Variants in ACOT12 observed in about 807,000 individuals in gnomAD.
ACOT12 encodes acetyl-coenzyme A thioesterase.
Under a neutral mutation model 67.7 loss-of-function variants are expected in ACOT12, and 51 were observed. The ratio of observed to expected loss-of-function variants is 0.75; its 90% CI spans 0.60 to 0.95. The LOEUF (loss-of-function observed/expected upper bound fraction) is 0.95. ACOT12 is among the 40% of genes least tolerant of loss of function. The probability of loss-of-function intolerance (pLI) is 0.00; values close to 1 mark genes in which losing one functional copy is unlikely to be tolerated. For synonymous variants in ACOT12, 251 were observed against 244.6 expected (o/e 1.03, Z -0.24); for missense variants, 734 against 708.1 (o/e 1.04, Z -0.41).
At chr5:81,346,402 A>G (rs921867730) in intron 6 of ACOT12, among the ~76,000 whole-genome samples, 1 of 152,248 alleles carries the variant, frequency 6.6e-6, no homozygotes, top group Admixed American at 6.5e-5. Context: ...TCCTTACACA[A>G]TTCCTCAGCT....
At chr5:81,367,871 A>G (rs1027048661) in intron 3 of ACOT12, among the ~76,000 whole-genome samples, 7 of 152,196 alleles carry the variant, frequency 4.6e-5, no homozygotes, top group African/African-American at 9.7e-5. Flanking sequence ...AATGATGGGG[A>G]AAAAAACACT....
rs771483296 is a variant in ACOT12, at chr5:81,330,452, G to C, written c.1610C>G (p.Ala537Gly). Residue 537 changes from alanine (A) to glycine (G), a missense_variant, in exon 15 of 15, where the codon GCC (alanine) becomes GGC (glycine). By Grantham distance (60) the Ala-to-Gly change is moderately conservative (BLOSUM62 0). Transcript: ENST00000307624. ...ATTCTCTAAGAACTGTATACAAGAGGCTGCTGTTTCTTCAATGGATTTTGA... is the reference window on the plus strand; with the variant it reads ...ATTCTCTAAGAACTGTATACAAGAGCCTGCTGTTTCTTCAATGGATTTTGA... ...GWSKSIEETAASCIQFLENPP... is the reference protein window; with the variant it reads ...GWSKSIEETAGSCIQFLENPP... 8.1e-6 allele frequency: 13 copies of C among 1,613,938 alleles called. No homozygotes were observed. The highest frequency in any genetic ancestry group is 1.6e-4 in the Middle Eastern group (1 of 6,084).
At chr5:81,375,753 A>G (rs1044753512) in intron 2 of ACOT12, among the ~76,000 whole-genome samples, 2 of 152,204 alleles carry the variant, frequency 1.3e-5, no homozygotes, top group East Asian at 1.9e-4. Context: ...AGGACATTAC[A>G]TACTGGTAAA....
intron 5 of ACOT12, among the ~76,000 whole-genome samples, chr5:81,358,282 G>A (rs1014573807): frequency 6.6e-6 from 1 of 152,118 alleles, no homozygotes; most frequent in African/African-American, 2.4e-5. Flanking sequence ...TGCATAGAAC[G>A]GGTTTGCTCA....
chr5:81,332,555 A>C lies in ACOT12; in HGVS notation c.1313T>G (p.Ile438Ser). The change falls in exon 13 of 15, where the codon ATC (isoleucine) becomes AGC (serine). Residue 438 changes from isoleucine to serine, a missense_variant. Physicochemically the swap from Ile to Ser is moderately radical, Grantham distance 142. Transcript: ENST00000307624. ...WVSEDDQLYH[I>S]TCPILNDDKP... ...GTCATCATTCAGTATAGGACAGGTG[A>C]TGTGATACAGCTGATCATCTTCACT... 1 of 1,614,100 alleles carries C rather than the reference A, an allele frequency of 6.2e-7. No homozygotes were observed. Among genetic ancestry groups the C allele is most frequent in the Non-Finnish European group, 8.5e-7 (1 of 1,179,998 alleles).
rs2153841380 is a variant in ACOT12 at position 81,330,792 on chromosome 5, G to T, written c.1518+22C>A. On this transcript the variant is annotated intron_variant, in intron 14 of 14. Coordinates refer to ENST00000307624, the MANE Select transcript of ACOT12 (RefSeq NM_130767.3). ...GCTATCTGGCAGAGCCAATTAATCT[G>T]CAGATGTTTCATCAAACTTACGATG... 3.1e-6 allele frequency: 5 copies of T among 1,608,666 alleles called. No homozygotes were observed. The South Asian group carries it at 5.5e-5, about 18-fold the overall frequency.
At chr5:81,343,421 T>C (rs951785218) in intron 10 of ACOT12, among the ~76,000 whole-genome samples, 10 of 152,220 alleles carry the variant, frequency 6.6e-5, no homozygotes, top group African/African-American at 2.4e-4. Context: ...TGATAATCAA[T>C]GTGTAATAAG....
At chr5:81,373,871 GA>G (rs1561347124) in intron 2 of ACOT12, among the ~76,000 whole-genome samples, 2 of 152,144 alleles carry the variant, frequency 1.3e-5, no homozygotes, top group African/African-American at 4.8e-5. Flanking sequence ...ATCTCCCTGG[GA>G]CAGAGCACAT....
At chr5:81,360,890 C>T (rs1216232954) in intron 4 of ACOT12, among the ~76,000 whole-genome samples, 1 of 151,832 alleles carries the variant, frequency 6.6e-6, no homozygotes, top group Admixed American at 6.6e-5. Flanking sequence ...TGCACCTGGC[C>T]AACACGTTGA....
downstream of ACOT12, among the ~76,000 whole-genome samples, chr5:81,328,115 C>T (rs114381631): frequency 0.013 from 2,045 of 152,214 alleles, 38 homozygotes; most frequent in African/African-American, 0.046. Context: ...GACTTTGCCT[C>T]GCCTAGTCCT....
downstream of ACOT12, among the ~76,000 whole-genome samples, chr5:81,326,665 T>A (rs1758681532): frequency 2.0e-5 from 3 of 152,226 alleles, no homozygotes; most frequent in South Asian, 6.2e-4. Flanking sequence ...CGATAACTTT[T>A]TGAGCAAGTA....
At position 81,391,311 on chromosome 5, in the gene ACOT12, C is replaced by G. The variant is rs575298808; in HGVS notation, c.127+2677G>C. ...TCTTTGGGCTCTTCAAACCAGCAAG[C>G]CTGTGGGTTTTCCATCAGAACTATA... On this transcript the variant is annotated intron_variant, in intron 1 of 14. Transcript: ENST00000307624. 4.6e-5 allele frequency among the ~76,000 whole-genome samples: 7 copies of G among 152,330 alleles called. No individual in the cohort carries two copies. The South Asian group carries it at 1.4e-3, about 32-fold the overall frequency.
chr5:81,350,954 C>T (rs1236926624), intron 5 of ACOT12, among the ~76,000 whole-genome samples: 1 of 152,192 alleles, frequency 6.6e-6, no homozygotes, highest in Non-Finnish European at 1.5e-5. Context: ...GCTGGGTCCT[C>T]CAGGACAAAT....
chr5:81,357,190 C>G (rs1759743589), intron 5 of ACOT12, among the ~76,000 whole-genome samples: 1 of 152,116 alleles, frequency 6.6e-6, no homozygotes, highest in Non-Finnish European at 1.5e-5. Flanking sequence ...TCTCGTGAAC[C>G]CTGAAGGGCC....
chr5:81,329,379 T>G (rs539217509), downstream of ACOT12, among the ~76,000 whole-genome samples: 1 of 152,350 alleles, frequency 6.6e-6, no homozygotes, highest in African/African-American at 2.4e-5. Context: ...ATATAAATGT[T>G]AATGTATGAA....
At chr5:81,321,504 TA>T in the ACOT12 span, among the ~76,000 whole-genome samples, 7 of 152,034 alleles carry the variant, frequency 4.6e-5, no homozygotes, top group African/African-American at 1.7e-4. Flanking sequence ...AAAGAAATTT[TA>T]AAAATGGAAA....
At chr5:81,322,196 T>C in the ACOT12 span, among the ~76,000 whole-genome samples, 2 of 152,166 alleles carry the variant, frequency 1.3e-5, no homozygotes, top group East Asian at 3.9e-4. Flanking sequence ...CCCAAGAAGT[T>C]TAAATAAGAA....
At position 81,356,073 on chromosome 5, in the gene ACOT12, A is replaced by C. The variant is rs371506425; in HGVS notation, c.496+3830T>G. Reference sequence around the variant, plus strand: ...CTCCCCACCCCCCGCATCCTTGTACATGTGCTTCAAACAAGCCTGGTGATA... The same window carrying C: ...CTCCCCACCCCCCGCATCCTTGTACCTGTGCTTCAAACAAGCCTGGTGATA... On this transcript the variant is annotated intron_variant, in intron 5 of 14. Transcript: ENST00000307624. Among the ~76,000 whole-genome samples, 9 of 151,928 alleles carry C rather than the reference A, an allele frequency of 5.9e-5. No homozygotes were observed. In the South Asian group the frequency reaches 1.9e-3, roughly 32 times the overall value.
In ACOT12 at chr5:81,343,837, T is replaced by G. The variant is rs146212467; in HGVS notation, c.1025A>C (p.His342Pro). 3.4e-5 allele frequency: 55 copies of G among 1,613,478 alleles called. No individual in the cohort carries two copies. Among genetic ancestry groups the G allele is most frequent in the Non-Finnish European group, 4.4e-5 (52 of 1,179,898 alleles). ...SHKEEVPLCI[H>P]WDISKQASLS... ...CATCACCTGCTTGCTGATATCCCAG[T>G]GTATGCAAAGTGGAACCTCTTCTTT... Residue 342 changes from histidine (H) to proline (P), a missense_variant, in exon 10 of 15, where the codon CAC (histidine) becomes CCC (proline). Transcript: ENST00000307624.
Sources: allele counts gnomAD v4.1 joint callset (sites outside exome capture counted in the v4.1 genomes callset), GRCh38; gene constraint gnomAD v4.1.1; transcripts MANE v1.5; gene names NCBI Gene and HGNC (gene_info 2026-07-23, HGNC 2026-07-21).